The following SRGAP2 variants were observed in gnomAD, a reference collection of about 807,000 sequenced individuals.
SRGAP2 encodes SLIT-ROBO Rho GTPase-activating protein 2.
SRGAP2 carries 15 observed loss-of-function variants against 57.2 expected under a neutral mutation model. That is an observed-to-expected ratio of 0.26 (90% CI 0.18 to 0.40). SRGAP2 has a LOEUF of 0.40. SRGAP2 is among the 10% of genes least tolerant of loss of function. The pLI is 1.00. For missense variants in SRGAP2, 520 were observed against 669.6 expected, an observed-to-expected ratio of 0.78 and a Z score of 2.47; for synonymous variants, 249 against 248.0, an observed-to-expected ratio of 1.00 and a Z score of -0.04.
intron 2 of SRGAP2, among the ~76,000 whole-genome samples, chr1:206,295,429 T>C (rs1322558944): frequency 6.6e-6 from 1 of 151,888 alleles, no homozygotes; most frequent in Non-Finnish European, 1.5e-5. Flanking sequence ...TTTACCATGT[T>C]GGCCAGGCTA....
intron 3 of SRGAP2, among the ~76,000 whole-genome samples, chr1:206,340,807 T>A (rs1553334980): frequency 6.7e-6 from 1 of 149,988 alleles, no homozygotes; most frequent in East Asian, 1.9e-4. Context: ...TCACTTTTTT[T>A]TCCCCAGATA....
At chr1:206,241,011 C>T (rs1167373365) in intron 2 of SRGAP2, among the ~76,000 whole-genome samples, 2 of 152,182 alleles carry the variant, frequency 1.3e-5, no homozygotes, top group Non-Finnish European at 1.5e-5. Context: ...TAAGGAGACC[C>T]CATCTCTACA....
chr1:206,426,741 C>G (rs1660833720), intron 13 of SRGAP2, among the ~76,000 whole-genome samples: 1 of 152,152 alleles, frequency 6.6e-6, no homozygotes, highest in Admixed American at 6.5e-5. Flanking sequence ...TTTTCACATA[C>G]CTGTTGGCCA....
intron 3 of SRGAP2, among the ~76,000 whole-genome samples, chr1:206,334,074 A>T (rs1553332921): frequency 3.3e-5 from 5 of 151,810 alleles, no homozygotes; most frequent in African/African-American, 1.2e-4. Flanking sequence ...ACACTGGAGC[A>T]GCTGATTTGG....
At chr1:206,251,617 A>G (rs1668836527) in intron 2 of SRGAP2, among the ~76,000 whole-genome samples, 1 of 151,354 alleles carries the variant, frequency 6.6e-6, no homozygotes, top group Admixed American at 6.6e-5. Context: ...ACTGTCACTC[A>G]TGGGAGCCCT....
At chr1:206,385,680 A>G (rs1572016090) in intron 5 of SRGAP2, among the ~76,000 whole-genome samples, 9 of 151,634 alleles carry the variant, frequency 5.9e-5, no homozygotes, top group Admixed American at 5.9e-4. Flanking sequence ...AATAAGTGAA[A>G]GGGCGTAAGC....
At chr1:206,281,568 C>G (rs1451569171) in intron 2 of SRGAP2, among the ~76,000 whole-genome samples, 1 of 122,448 alleles carries the variant, frequency 8.2e-6, no homozygotes, top group Non-Finnish European at 1.6e-5. Flanking sequence ...TGCGGTGGCT[C>G]ATGCCTGTAA....
At chr1:206,277,947 C>G (rs1670513251) in intron 2 of SRGAP2, among the ~76,000 whole-genome samples, 2 of 151,442 alleles carry the variant, frequency 1.3e-5, no homozygotes, top group African/African-American at 4.9e-5. Context: ...CCACTGCACT[C>G]CAGCCTGGGT....
In SRGAP2 at chr1:206,438,050, C is replaced by T. The variant is rs1553370655; in HGVS notation, c.1720C>T (p.His574Tyr). The change falls in exon 16 of 23, where the codon CAC becomes TAC. Residue 574 changes from histidine to tyrosine, a missense_variant. Physicochemically the swap from His to Tyr is moderately conservative, Grantham distance 83. Coordinates refer to ENST00000573034, the MANE Select transcript of SRGAP2 (RefSeq NM_015326.5). ...VLKLYFRGLEHPLFPKDIFHD... is the reference protein window; with the variant it reads ...VLKLYFRGLEYPLFPKDIFHD... ...GAAGCTTTACTTCCGGGGGCTGGAA[C>T]ACCCTCTCTTCCCCAAGGACATCTT... is the stretch of plus-strand genomic sequence containing the variant. 1.3e-6 allele frequency: 1 copy of T among 780,768 alleles called. No homozygotes were observed. Among genetic ancestry groups the T allele is most frequent in the Non-Finnish European group, 2.4e-6 (1 of 417,990 alleles). The allele number at this position is 780,768 out of a possible 1,614,324, so 48.4% of individuals were successfully genotyped here.
At chr1:206,442,627 C>G (rs902570739) in intron 17 of SRGAP2, among the ~76,000 whole-genome samples, 1 of 152,176 alleles carries the variant, frequency 6.6e-6, no homozygotes, top group Non-Finnish European at 1.5e-5. Flanking sequence ...TCAAATTATT[C>G]ATTTTGTTTT....
chr1:206,234,277 AG>A (rs1188468735), intron 2 of SRGAP2, among the ~76,000 whole-genome samples: 1 of 149,674 alleles, frequency 6.7e-6, no homozygotes, highest in Non-Finnish European at 1.5e-5. Flanking sequence ...GCTTTGCTGA[AG>A]GGGGAAAAAA....
intron 4 of SRGAP2, among the ~76,000 whole-genome samples, chr1:206,378,728 A>G (rs1157280312): frequency 2.0e-5 from 3 of 152,056 alleles, no homozygotes; most frequent in Admixed American, 1.3e-4. Flanking sequence ...AAATGCACCA[A>G]TCAGCGCTCT....
At chr1:206,373,089 C>T (rs1325572374) in intron 4 of SRGAP2, among the ~76,000 whole-genome samples, 1 of 105,374 alleles carries the variant, frequency 9.5e-6, no homozygotes, top group African/African-American at 3.7e-5. Context: ...TCTTTCTGTC[C>T]TTTTTTTTTC....
chr1:206,431,294 A>G (rs1251405178), intron 14 of SRGAP2, among the ~76,000 whole-genome samples: 2 of 152,256 alleles, frequency 1.3e-5, no homozygotes, highest in Non-Finnish European at 2.9e-5. Flanking sequence ...GCTGGGTACC[A>G]TGCATTGCCA....
At chr1:206,446,033 T>C (rs1269113869) in intron 17 of SRGAP2, 42 bp from the exon 18 acceptor site, 2 of 775,332 alleles carry the variant, frequency 2.6e-6, no homozygotes, top group African/African-American at 3.4e-5. Flanking sequence ...TGGGCATTCA[T>C]GCGAGAGCTT....
intron 13 of SRGAP2, among the ~76,000 whole-genome samples, chr1:206,428,835 G>A (rs1661038944): frequency 6.6e-6 from 1 of 151,992 alleles, no homozygotes; most frequent in Non-Finnish European, 1.5e-5. Flanking sequence ...GCTATTTTTA[G>A]TAGAGACAGA....
chr1:206,331,501 G>A (rs1438685265), intron 3 of SRGAP2, among the ~76,000 whole-genome samples: 1 of 146,164 alleles, frequency 6.8e-6, no homozygotes, highest in Admixed American at 6.8e-5. Context: ...CCTGTATTGG[G>A]TGCATATATA....
chr1:206,305,506 T>A (rs1485352765), intron 3 of SRGAP2, among the ~76,000 whole-genome samples: 21 of 152,002 alleles, frequency 1.4e-4, no homozygotes, highest in South Asian at 6.2e-4. Flanking sequence ...AAGTTCTCCA[T>A]CTTCTGAATT....
At chr1:206,404,784 G>C (rs1442746988) in intron 8 of SRGAP2, among the ~76,000 whole-genome samples, 2 of 152,088 alleles carry the variant, frequency 1.3e-5, no homozygotes, top group Admixed American at 1.3e-4. Flanking sequence ...CTCATGCATG[G>C]CCTGGATTTG....
Sources: allele counts gnomAD v4.1 joint callset (sites outside exome capture counted in the v4.1 genomes callset), GRCh38; gene constraint gnomAD v4.1.1; transcripts MANE v1.5; gene names NCBI Gene and HGNC (gene_info 2026-07-23, HGNC 2026-07-21).